Variants in REV3L observed in about 807,000 individuals in gnomAD.
REV3L encodes the protein REV3 like, DNA directed polymerase zeta catalytic subunit.
In REV3L, 69 loss-of-function variants were observed where a neutral mutation model predicts 299.4. The ratio of observed to expected loss-of-function variants is 0.23; its 90% confidence interval spans 0.19 to 0.28. REV3L has a LOEUF of 0.28. Among genes scored for constraint, REV3L ranks in the 10% least tolerant of loss-of-function variants. The pLI is 1.00. For synonymous variants in REV3L, 1,238 were observed against 1,271.4 expected (o/e 0.97, Z 0.56); for missense variants, 3,128 against 3,693.8 (o/e 0.85, Z 3.97).
chr6:111,420,041 T>C (rs1785156834), intron 1 of REV3L, among the ~76,000 whole-genome samples: 1 of 152,108 alleles, frequency 6.6e-6, no homozygotes, highest in African/African-American at 2.4e-5. Context: ...GAGACGGGGT[T>C]TCACCGTGTT....
chr6:111,324,987 A>G (rs189368789), intron 25 of REV3L, among the ~76,000 whole-genome samples: 1 of 151,462 alleles, frequency 6.6e-6, no homozygotes, highest in Non-Finnish European at 1.5e-5. Flanking sequence ...TCAGCCTCCC[A>G]AGTAGCTGGG....
chr6:111,342,157 A>C (rs1330724669), intron 21 of REV3L, among the ~76,000 whole-genome samples: 5 of 152,190 alleles, frequency 3.3e-5, no homozygotes, highest in African/African-American at 1.2e-4. Flanking sequence ...ATAGGCTTTG[A>C]ACTAAATAAC....
intron 4 of REV3L, among the ~76,000 whole-genome samples, chr6:111,394,004 A>T (rs1430248999): frequency 9.2e-5 from 14 of 152,206 alleles, no homozygotes; most frequent in Admixed American, 9.2e-4. Flanking sequence ...GTGTATATAT[A>T]CCACATTTTC....
At chr6:111,402,691 C>T (rs181970386) in intron 4 of REV3L, among the ~76,000 whole-genome samples, 2 of 152,004 alleles carry the variant, frequency 1.3e-5, no homozygotes, top group Admixed American at 6.6e-5. Context: ...AGAAGAAATG[C>T]GAGGAGTTAA....
intron 9 of REV3L, among the ~76,000 whole-genome samples, chr6:111,382,364 G>A (rs1026154281): frequency 3.9e-5 from 6 of 152,216 alleles, no homozygotes; most frequent in African/African-American, 1.4e-4. Flanking sequence ...CTCTCAGGCA[G>A]TGGTCTTGAG....
chr6:111,306,244 G>A, intron 31 of REV3L, among the ~76,000 whole-genome samples: 1 of 152,150 alleles, frequency 6.6e-6, no homozygotes, highest in East Asian at 1.9e-4. Flanking sequence ...GAAGATGGGG[G>A]GTGGGGTGGG....
chr6:111,333,627 A>C (rs1321897951), intron 22 of REV3L, among the ~76,000 whole-genome samples: 1 of 151,902 alleles, frequency 6.6e-6, no homozygotes, highest in Non-Finnish European at 1.5e-5. Flanking sequence ...GGCATGCGCC[A>C]CCATGTCCAG....
intron 13 of REV3L, among the ~76,000 whole-genome samples, chr6:111,369,672 T>C (rs890427253): frequency 2.0e-5 from 3 of 152,148 alleles, no homozygotes; most frequent in Non-Finnish European, 4.4e-5. Flanking sequence ...ACTGTGACTA[T>C]AGTAAGATCA....
chr6:111,342,405 A>G (rs952700568), intron 21 of REV3L, among the ~76,000 whole-genome samples: 2 of 152,188 alleles, frequency 1.3e-5, no homozygotes, highest in Non-Finnish European at 2.9e-5. Context: ...ACGGTGGCTC[A>G]TGCCTGTAAT....
chr6:111,405,471 T>C lies in REV3L; in HGVS notation c.564A>G (p.Lys188=). 6.3e-7 allele frequency: 1 copy of C among 1,591,000 alleles called. No individual in the cohort carries two copies. The highest frequency in any genetic ancestry group is 8.5e-7 in the Non-Finnish European group (1 of 1,171,798). ...AATTTGACTGAAAATTAACCTTACT[T>C]TTCCTTCTTGCTTTTCGGAACTTGA... ...AAVKFRKARR[K]SNTLHATGSC... is the part of the protein sequence containing the mutation. Residue 188 remains lysine (K), a splice_region_variant and synonymous_variant, in exon 4 of 32, where the codon AAA becomes AAG. Coordinates refer to ENST00000368802, the MANE Select transcript of REV3L (RefSeq NM_001372078.1).
intron 1 of REV3L, among the ~76,000 whole-genome samples, chr6:111,463,624 G>A (rs1342056521): frequency 1.3e-5 from 2 of 152,058 alleles, no homozygotes; most frequent in East Asian, 3.9e-4. Context: ...AAGACATACA[G>A]TAAATTTTCA....
chr6:111,436,525 C>CA (rs2128303880), intron 1 of REV3L, among the ~76,000 whole-genome samples: 1 of 152,094 alleles, frequency 6.6e-6, no homozygotes, highest in Admixed American at 6.5e-5. Context: ...TGAAAAAAGC[C>CA]AAGTACAGAA....
chr6:111,319,232 G>A (rs1773867444), intron 26 of REV3L, among the ~76,000 whole-genome samples: 1 of 152,168 alleles, frequency 6.6e-6, no homozygotes, highest in Admixed American at 6.6e-5. Flanking sequence ...GGAGGCCAAG[G>A]TGGGTGGATC....
chr6:111,465,745 CAAAAAAAAAA>C (rs376561912), intron 1 of REV3L, among the ~76,000 whole-genome samples: 25 of 76,854 alleles, frequency 3.3e-4, no homozygotes, highest in African/African-American at 1.3e-3. Flanking sequence ...AAACAAAAAC[CAAAAAAAAAA>C]AAAAAAAAAA....
At chr6:111,469,576 A>G (rs1437448260) in intron 1 of REV3L, among the ~76,000 whole-genome samples, 2 of 152,156 alleles carry the variant, frequency 1.3e-5, no homozygotes, top group African/African-American at 4.8e-5. Context: ...GCTTTGGCCT[A>G]TGGACAACAG....
Position 111,303,165 on chromosome 6 carries a change from C to CTTTCTTTTTTTTTTTTTTT in REV3L, c.9253-3010_9253-3009insAAAAAAAAAAAAAAAGAAA, listed in dbSNP as rs4038141. ...AATGTACTGAGGCTTTCTTTTCTTTCTTTTTTTTTTTTTTTTTGAGATGAG... is the reference window on the plus strand; with the variant it reads ...AATGTACTGAGGCTTTCTTTTCTTTCTTTCTTTTTTTTTTTTTTTTTTTTTTTTTTTTTTTTGAGATGAG... On this transcript the variant is annotated intron_variant, in intron 31 of 31. Coordinates refer to ENST00000368802, the MANE Select transcript of REV3L (RefSeq NM_001372078.1). 4.3e-5 allele frequency among the ~76,000 whole-genome samples: 4 copies of CTTTCTTTTTTTTTTTTTTT among 92,342 alleles called. 1 individual carries two copies. The highest frequency in any genetic ancestry group is 7.8e-5 in the African/African-American group (2 of 25,508). 60.6% of individuals were successfully genotyped at this position (92,342 alleles called of 152,430 possible). A position where few individuals can be genotyped will look rare whatever the true frequency, so the allele number is the denominator to read the frequency against.
intron 9 of REV3L, among the ~76,000 whole-genome samples, chr6:111,386,488 T>C (rs1781357799): frequency 6.6e-6 from 1 of 152,156 alleles, no homozygotes; most frequent in Non-Finnish European, 1.5e-5. Context: ...AACTCTCATA[T>C]ATTGCTGGTG....
intron 31 of REV3L, among the ~76,000 whole-genome samples, chr6:111,302,594 GCTTT>G (rs1771699609): frequency 6.6e-6 from 1 of 152,002 alleles, no homozygotes; most frequent in Admixed American, 6.6e-5. Flanking sequence ...CTATCCTTTG[GCTTT>G]CTTGTTCAAA....
chr6:111,317,167 TG>T (rs1420772325), intron 26 of REV3L, among the ~76,000 whole-genome samples: 1 of 152,246 alleles, frequency 6.6e-6, no homozygotes, highest in Non-Finnish European at 1.5e-5. Context: ...CTCATATTTC[TG>T]AAGTGTTTTT....
Sources: allele counts gnomAD v4.1 joint callset (sites outside exome capture counted in the v4.1 genomes callset), GRCh38; gene constraint gnomAD v4.1.1; transcripts MANE v1.5; gene names NCBI Gene and HGNC (gene_info 2026-07-23, HGNC 2026-07-21).